The following SURF4 variants were observed in gnomAD, a reference collection of about 807,000 sequenced individuals.
SURF4 encodes the protein surfeit 4, also known as surfeit locus protein 4.
In SURF4, 3 loss-of-function variants were observed where a neutral mutation model predicts 30.0. That is an observed-to-expected ratio of 0.10 (90% CI 0.05 to 0.26). SURF4 has a LOEUF of 0.26. SURF4 is among the 10% of genes least tolerant of loss of function. The probability of loss-of-function intolerance (pLI) is 1.00; values close to 1 mark genes in which losing one functional copy is unlikely to be tolerated. For synonymous variants in SURF4, 143 were observed against 139.9 expected (o/e 1.02, Z -0.16); for missense variants, 217 against 350.8 (o/e 0.62, Z 3.05).
chr9:133,376,501 C>T (rs1837956236), upstream of SURF4: 1 of 1,597,438 alleles, frequency 6.3e-7, no homozygotes, highest in Non-Finnish European at 8.5e-7. Context: ...CAATCGCAGG[C>T]GCCCCACGCA....
chr9:133,371,134 C>T (rs1020451596), intron 1 of SURF4: 2 of 985,422 alleles, frequency 2.0e-6, no homozygotes, highest in Non-Finnish European at 2.4e-6. Context: ...TCCACTTTCT[C>T]TTCACACTCA....
chr9:133,375,724 G>A (rs186715885), intron 1 of SURF4, among the ~76,000 whole-genome samples, 198 bp downstream of exon 1: 3,643 of 152,180 alleles, frequency 0.024, 152 homozygotes, highest in African/African-American at 0.083. Context: ...GGCCCAGCGG[G>A]CAGGGGAGAC....
upstream of SURF4, among the ~76,000 whole-genome samples, chr9:133,377,429 G>T (rs1171841084): frequency 6.6e-6 from 1 of 152,220 alleles, no homozygotes; most frequent in Non-Finnish European, 1.5e-5. Context: ...ACTTTGGGAG[G>T]CCAAGGCGGG....
upstream of SURF4, chr9:133,376,356 A>G: frequency 7.2e-7 from 1 of 1,385,552 alleles, no homozygotes; most frequent in South Asian, 1.5e-5. Context: ...AGCGCGCGGG[A>G]GGGACGCCTG....
intron 1 of SURF4, among the ~76,000 whole-genome samples, chr9:133,368,959 C>G (rs1052384631): frequency 2.6e-5 from 4 of 152,352 alleles, no homozygotes; most frequent in African/African-American, 9.6e-5. Context: ...CTGACTAAAC[C>G]TACTGTTGGA....
upstream of SURF4, chr9:133,376,503 C>T (rs2130248580): frequency 6.3e-7 from 1 of 1,598,318 alleles, no homozygotes; most frequent in African/African-American, 1.3e-5. Flanking sequence ...ATCGCAGGCG[C>T]CCCACGCAGG....
chr9:133,364,853 G>C lies in SURF4; in HGVS notation c.530C>G (p.Ala177Gly). ...LMFMTLLHFD[A>G]SFFSIVQNIV... is the part of the protein sequence containing the mutation. ...AGGAATACTTACAGAAAAGAAGCTG[G>C]CGTCAAAGTGAAGGAGGGTCATGAA... The change falls in exon 5 of 6, where the codon GCC becomes GGC. Residue 177 changes from alanine to glycine, a missense_variant. Physicochemically the swap from Ala to Gly is moderately conservative, Grantham distance 60 (BLOSUM62 0). Coordinates refer to ENST00000371989, the MANE Select transcript of SURF4 (RefSeq NM_033161.4). The C allele has an allele frequency of 6.2e-7, 1 of 1,614,068 alleles. No homozygotes were observed. The highest frequency in any genetic ancestry group is 8.5e-7 in the Non-Finnish European group (1 of 1,180,002).
At chr9:133,377,595 A>G (rs1838019935), upstream of SURF4, among the ~76,000 whole-genome samples, 1 of 152,130 alleles carries the variant, frequency 6.6e-6, no homozygotes, top group Non-Finnish European at 1.5e-5. Flanking sequence ...CCCAGGAGGC[A>G]GAGGTTGTGG....
chr9:133,367,573 CG>C, intron 1 of SURF4, 128 bp from the exon 2 acceptor site: 1 of 1,540,124 alleles, frequency 6.5e-7, no homozygotes, highest in Non-Finnish European at 8.7e-7. Context: ...TTGTCAGCCC[CG>C]GTGCCTTCCC....
chr9:133,371,693 G>A (rs1324835717), intron 1 of SURF4, among the ~76,000 whole-genome samples: 1 of 152,148 alleles, frequency 6.6e-6, no homozygotes, highest in East Asian at 1.9e-4. Flanking sequence ...CATGATATAG[G>A]GCAGGGTATG....
Position 133,366,579 on chromosome 9 carries a change from C to T in SURF4, c.312+20G>A, listed in dbSNP as rs2130127857. 3.1e-6 allele frequency: 5 copies of T among 1,613,190 alleles called. No individual in the cohort carries two copies. The highest frequency in any genetic ancestry group is 1.7e-5 in the Admixed American group (1 of 59,990). On this transcript the variant is annotated intron_variant, in intron 3 of 5. Transcript: ENST00000371989. The stretch of plus-strand genomic sequence containing the variant: ...CACCAGAGCAAAGAGAAGGGAGCCC[C>T]GACCACGCGGCCCGTGTACCTGCAG...
At chr9:133,372,537 G>A in intron 1 of SURF4, 5 of 938,402 alleles carry the variant, frequency 5.3e-6, no homozygotes, top group Non-Finnish European at 6.4e-6. Context: ...AAGACTTAAT[G>A]TCATTGTCAT....
Position 133,371,101 on chromosome 9 carries a change from A to T in SURF4, c.49-3656T>A. 3 of 985,444 alleles carry T rather than the reference A, an allele frequency of 3.0e-6. No homozygotes were observed. The South Asian group carries it at 1.4e-4, about 46-fold the overall frequency. 61.0% of individuals were successfully genotyped at this position (985,444 alleles called of 1,614,324 possible). Reference sequence around the variant, plus strand: ...AGTGATCACTGTCACAGCCACCTGCAGCTCCCACGCCACACAGAAAACTCC... The same window carrying T: ...AGTGATCACTGTCACAGCCACCTGCTGCTCCCACGCCACACAGAAAACTCC... On this transcript the variant is annotated intron_variant, in intron 1 of 5. Coordinates refer to ENST00000371989, the MANE Select transcript of SURF4 (RefSeq NM_033161.4).
At chr9:133,377,129 C>G (rs1361670822), upstream of SURF4, among the ~76,000 whole-genome samples, 1 of 152,096 alleles carries the variant, frequency 6.6e-6, no homozygotes, top group East Asian at 1.9e-4. Context: ...GAAGAATTGT[C>G]TTTGTGTGAG....
At chr9:133,371,014 C>T in intron 1 of SURF4, 1 of 1,281,520 alleles carries the variant, frequency 7.8e-7, no homozygotes, top group South Asian at 1.2e-5. Flanking sequence ...TTTTAGACGA[C>T]TGAAGGGGAT....
At chr9:133,366,129 G>T in intron 3 of SURF4, 101 bp from the exon 4 acceptor site, 1 of 1,216,350 alleles carries the variant, frequency 8.2e-7, no homozygotes, top group Non-Finnish European at 1.2e-6. Flanking sequence ...GTCAGCTGGA[G>T]TCTAAAACAC....
upstream of SURF4, chr9:133,376,630 G>C (rs1837965692): frequency 1.4e-5 from 19 of 1,392,650 alleles, no homozygotes; most frequent in South Asian, 8.3e-5. Context: ...AGCTACGGCC[G>C]GCGGTTCCGA....
chr9:133,376,587 G>A (rs2130249794), upstream of SURF4: 748 of 1,552,826 alleles, frequency 4.8e-4, 1 homozygote, highest in Non-Finnish European at 6.0e-4. Flanking sequence ...GCGGGGAGGC[G>A]GGAGCTCCGT....
chr9:133,371,697 G>A (rs1262146727), intron 1 of SURF4, among the ~76,000 whole-genome samples: 1 of 152,206 alleles, frequency 6.6e-6, no homozygotes, highest in African/African-American at 2.4e-5. Context: ...ATATAGGGCA[G>A]GGTATGACAG....
Sources: gnomAD v4.1 joint callset for allele counts (sites outside exome capture counted in the v4.1 genomes callset) on GRCh38, gnomAD v4.1.1 for gene constraint, MANE v1.5 for transcripts, NCBI Gene and HGNC (gene_info 2026-07-23, HGNC 2026-07-21) for gene names.